Variants in MACROD2 observed in about 807,000 individuals in gnomAD.
MACROD2 encodes the protein mono-ADP ribosylhydrolase 2.
Under a neutral mutation model 70.4 loss-of-function variants are expected in MACROD2, and 36 were observed. That is an observed-to-expected ratio of 0.51 (90% CI 0.39 to 0.68). The LOEUF (loss-of-function observed/expected upper bound fraction) is 0.68. Ranked by LOEUF, MACROD2 falls within the 30% of genes least tolerant of loss-of-function variation. MACROD2 has a pLI of 0.00. For missense variants in MACROD2, 496 were observed against 538.4 expected (o/e 0.92, Z 0.78); for synonymous variants, 172 against 178.8 (o/e 0.96, Z 0.30).
intron 5 of MACROD2, among the ~76,000 whole-genome samples, chr20:15,081,964 G>A (rs1914685079): frequency 6.6e-6 from 1 of 152,168 alleles, no homozygotes; most frequent in Admixed American, 6.5e-5. Context: ...CATAGTCCAG[G>A]AGGTATGAAA....
At chr20:15,765,704 A>G (rs1184573631) in intron 8 of MACROD2, among the ~76,000 whole-genome samples, 1 of 152,244 alleles carries the variant, frequency 6.6e-6, no homozygotes, top group African/African-American at 2.4e-5. Context: ...CATATTTACA[A>G]CAGCAACAAG....
chr20:14,733,759 A>G (rs2071625293), intron 5 of MACROD2, among the ~76,000 whole-genome samples: 1 of 152,150 alleles, frequency 6.6e-6, no homozygotes. Context: ...TTTTTTCCCC[A>G]AACTGGGGTA....
intron 5 of MACROD2, among the ~76,000 whole-genome samples, chr20:14,824,683 C>T (rs2072882709): frequency 6.6e-6 from 1 of 152,006 alleles, no homozygotes; most frequent in African/African-American, 2.4e-5. Context: ...GTACAAGTCC[C>T]AGTGTGCAAG....
chr20:15,067,021 A>G (rs1478115963), intron 5 of MACROD2, among the ~76,000 whole-genome samples: 1 of 152,180 alleles, frequency 6.6e-6, no homozygotes, highest in Admixed American at 6.5e-5. Context: ...ATGGAAAAAA[A>G]GTAACCAGTT....
rs770107307 is a variant in MACROD2 at position 15,726,386 on chromosome 20, A to G, written c.646-136359A>G. Among the ~76,000 whole-genome samples the G allele has an allele frequency of 1.3e-5, 2 of 152,190 alleles. 1 individual carries two copies. The highest frequency in any genetic ancestry group is 1.3e-4 in the Admixed American group (2 of 15,276). ...CTTTCTTATTGTGAATAGTGCTGCA[A>G]TGAACACACATGTACATGTGTCTTT... On this transcript the variant is annotated intron_variant, in intron 8 of 17. Transcript: ENST00000684519.
intron 3 of MACROD2, among the ~76,000 whole-genome samples, chr20:14,443,085 A>G (rs2084143809): frequency 1.3e-5 from 2 of 151,504 alleles, no homozygotes; most frequent in Non-Finnish European, 2.9e-5. Flanking sequence ...TCTCAAGAAA[A>G]AAAAAAAAGA....
At chr20:15,042,167 A>G (rs1285328387) in intron 5 of MACROD2, among the ~76,000 whole-genome samples, 1 of 152,228 alleles carries the variant, frequency 6.6e-6, no homozygotes, top group Admixed American at 6.5e-5. Flanking sequence ...TGACAAATAG[A>G]AAGTGAAATT....
At chr20:15,863,610 A>G (rs986521756) in intron 9 of MACROD2, among the ~76,000 whole-genome samples, 1 of 152,188 alleles carries the variant, frequency 6.6e-6, no homozygotes, top group Non-Finnish European at 1.5e-5. Flanking sequence ...TACTGTGAGC[A>G]TTGTTGGTAC....
At chr20:14,084,559 T>C (rs903371181) in intron 2 of MACROD2, among the ~76,000 whole-genome samples, 1 of 152,206 alleles carries the variant, frequency 6.6e-6, no homozygotes, top group African/African-American at 2.4e-5. Context: ...TTACTAGATT[T>C]ATCTTATTGC....
intron 6 of MACROD2, among the ~76,000 whole-genome samples, chr20:15,267,031 G>A (rs892893418): frequency 6.6e-6 from 1 of 152,198 alleles, no homozygotes; most frequent in Admixed American, 6.5e-5. Flanking sequence ...AAACAACTAG[G>A]GGCTAAAGCC....
intron 8 of MACROD2, among the ~76,000 whole-genome samples, chr20:15,596,056 T>C (rs950554118): frequency 6.6e-6 from 1 of 152,226 alleles, no homozygotes; most frequent in African/African-American, 2.4e-5. Context: ...ATGTCATACA[T>C]AGGAAGCTGA....
At chr20:14,031,133 TG>T (rs761698883) in intron 2 of MACROD2, among the ~76,000 whole-genome samples, 23 of 152,346 alleles carry the variant, frequency 1.5e-4, no homozygotes, top group Non-Finnish European at 4.4e-5. Flanking sequence ...ATGCTATGAC[TG>T]GCTAAATATG....
intron 5 of MACROD2, among the ~76,000 whole-genome samples, chr20:14,947,300 A>G (rs997913043): frequency 1.3e-5 from 2 of 152,164 alleles, no homozygotes; most frequent in Non-Finnish European, 2.9e-5. Context: ...CAGCAAAGTG[A>G]AGTGATTCAG....
At position 14,802,777 on chromosome 20, in the gene MACROD2, TACACAC is replaced by T. The variant is rs11468914; in HGVS notation, c.418+117840_418+117845del. ...CTTAACAAGCACACACATACACACA[TACACAC>T]ACACACACACACACACACACATCCT... is the stretch of plus-strand genomic sequence containing the variant. On this transcript the variant is annotated intron_variant, in intron 5 of 17. Transcript: ENST00000684519. Among the ~76,000 whole-genome samples the T allele has an allele frequency of 3.4e-3, 502 of 148,236 alleles. 3 individuals are homozygous for T. The highest frequency in any genetic ancestry group is 0.014 in the East Asian group (65 of 4,706).
At chr20:15,978,384 A>G (rs1195162000) in intron 13 of MACROD2, among the ~76,000 whole-genome samples, 1 of 152,206 alleles carries the variant, frequency 6.6e-6, no homozygotes, top group Non-Finnish European at 1.5e-5. Context: ...AGAAACGTGG[A>G]TAAACCTAAG....
chr20:16,017,604 A>G (rs1018384216), intron 15 of MACROD2, among the ~76,000 whole-genome samples: 2 of 152,052 alleles, frequency 1.3e-5, no homozygotes, highest in Non-Finnish European at 2.9e-5. Flanking sequence ...TCCAATCACA[A>G]TGGTCTCTTT....
chr20:14,922,145 G>T, intron 5 of MACROD2, among the ~76,000 whole-genome samples: 1 of 152,128 alleles, frequency 6.6e-6, no homozygotes, highest in Middle Eastern at 3.4e-3. Context: ...TCTATTTCTG[G>T]TTTCTCAGTT....
chr20:15,977,712 C>T (rs2066329559), intron 13 of MACROD2, among the ~76,000 whole-genome samples: 1 of 152,156 alleles, frequency 6.6e-6, no homozygotes, highest in South Asian at 2.1e-4. Flanking sequence ...ACAACTACAT[C>T]ACGGTGTGAT....
intron 5 of MACROD2, among the ~76,000 whole-genome samples, chr20:15,033,658 C>T (rs982328390): frequency 6.6e-6 from 1 of 152,150 alleles, no homozygotes; most frequent in Non-Finnish European, 1.5e-5. Context: ...AGCGTGCATC[C>T]ACTATAACTC....
Sources: gnomAD v4.1 joint callset for allele counts (sites outside exome capture counted in the v4.1 genomes callset) on GRCh38, gnomAD v4.1.1 for gene constraint, MANE v1.5 for transcripts, NCBI Gene and HGNC (gene_info 2026-07-23, HGNC 2026-07-21) for gene names.